The following DOCK8 variants were observed in gnomAD, a reference collection of about 807,000 sequenced individuals.
DOCK8 encodes the protein dedicator of cytokinesis 8.
In DOCK8, 141 loss-of-function variants were observed where a neutral mutation model predicts 245.6. The observed-to-expected ratio is 0.57, with a 90% confidence interval of 0.50 to 0.66. The LOEUF (loss-of-function observed/expected upper bound fraction) is 0.66, where lower values mean the gene tolerates loss of function less well. DOCK8 is among the 30% of genes least tolerant of loss of function. The probability of loss-of-function intolerance (pLI) is 0.00; values close to 1 mark genes in which losing one functional copy is unlikely to be tolerated. For synonymous variants in DOCK8, 1,168 were observed against 970.2 expected, an observed-to-expected ratio of 1.20 and a Z score of -3.79; for missense variants, 2,965 against 2,603.4, an observed-to-expected ratio of 1.14 and a Z score of -3.02.
chr9:312,625 T>C, intron 6 of DOCK8: 1 of 359,930 alleles, frequency 2.8e-6, no homozygotes. Context: ...TTTGAAAACA[T>C]TTCAGGCTAG....
chr9:441,148 C>A (rs1267506248), intron 40 of DOCK8, 138 bp from the exon 41 acceptor site: 2 of 1,289,238 alleles, frequency 1.6e-6, no homozygotes, highest in Non-Finnish European at 1.1e-6. Flanking sequence ...GCTCAGATAC[C>A]CCTTCTTGCC....
intron 1 of DOCK8, 77 bp downstream of exon 1, chr9:215,106 G>T (rs960680226): frequency 6.6e-7 from 1 of 1,507,718 alleles, no homozygotes; most frequent in Non-Finnish European, 8.8e-7. Context: ...CGCTGCAGGG[G>T]CCGAGGCCGG....
Position 403,897 on chromosome 9 carries a change from TATATATATATATATATATAC to T in DOCK8, c.3235-1008_3235-989del, listed in dbSNP as rs1303982904. Among the ~76,000 whole-genome samples, 504 of 66,654 alleles carry T rather than the reference TATATATATATATATATATAC, an allele frequency of 7.6e-3. 15 individuals are homozygous for T. Among genetic ancestry groups the T allele is most frequent in the African/African-American group, 0.048 (465 of 9,746 alleles). The allele number at this position is 66,654 out of a possible 152,430, so 43.7% of individuals were successfully genotyped here. On this transcript the variant is annotated intron_variant, in intron 26 of 47. Transcript: ENST00000432829. Reference sequence around the variant, plus strand: ...CTCTCTCTCTCTCTCTCTCTCTATATATATATATATATATATATACATATATATATATGTGTATATATATA... The same window carrying T: ...CTCTCTCTCTCTCTCTCTCTCTATATATATATATATATGTGTATATATATA...
At chr9:296,441 G>A (rs1444034711) in intron 4 of DOCK8, among the ~76,000 whole-genome samples, 7 of 152,146 alleles carry the variant, frequency 4.6e-5, no homozygotes, top group Non-Finnish European at 4.4e-5. Flanking sequence ...TTTCATGAGT[G>A]TTATGGGCAG....
At chr9:232,886 T>C (rs1458070577) in intron 1 of DOCK8, among the ~76,000 whole-genome samples, 10 of 152,264 alleles carry the variant, frequency 6.6e-5, no homozygotes, top group East Asian at 1.9e-4. Context: ...TTTTTTGTGT[T>C]TCTGTTTCCT....
chr9:299,567 C>T (rs949026580), intron 4 of DOCK8, among the ~76,000 whole-genome samples: 8 of 151,970 alleles, frequency 5.3e-5, no homozygotes, highest in African/African-American at 1.9e-4. Flanking sequence ...CCAGCCTGTA[C>T]ATTTTCCTTG....
At chr9:356,104 A>C (rs1586784124) in intron 14 of DOCK8, among the ~76,000 whole-genome samples, 1 of 152,234 alleles carries the variant, frequency 6.6e-6, no homozygotes, top group South Asian at 2.1e-4. Context: ...AATAAGAAAA[A>C]GTAAATCCAG....
At chr9:347,601 GA>G (rs2051961441) in intron 14 of DOCK8, among the ~76,000 whole-genome samples, 1 of 152,236 alleles carries the variant, frequency 6.6e-6, no homozygotes, top group African/African-American at 2.4e-5. Context: ...TTATGGAACA[GA>G]AGCTTTTATA....
intron 9 of DOCK8, among the ~76,000 whole-genome samples, chr9:329,843 G>A (rs893906619): frequency 6.6e-6 from 1 of 152,208 alleles, no homozygotes; most frequent in Non-Finnish European, 1.5e-5. Context: ...ATTTTCAAAT[G>A]TATAAATGTG....
At chr9:292,574 T>TC (rs34305412) in intron 4 of DOCK8, among the ~76,000 whole-genome samples, 1 of 151,894 alleles carries the variant, frequency 6.6e-6, no homozygotes, top group African/African-American at 2.4e-5. Flanking sequence ...TTTTTATTTT[T>TC]CCTGGTGCTC....
intron 14 of DOCK8, among the ~76,000 whole-genome samples, chr9:360,898 G>T (rs1165492484): frequency 1.3e-5 from 2 of 152,144 alleles, no homozygotes; most frequent in African/African-American, 4.8e-5. Context: ...AGTGGCTTGG[G>T]CTTGTAATCC....
intron 14 of DOCK8, among the ~76,000 whole-genome samples, chr9:361,466 C>T (rs1181488583): frequency 6.6e-6 from 1 of 152,176 alleles, no homozygotes; most frequent in Non-Finnish European, 1.5e-5. Flanking sequence ...TCAAGCAGTT[C>T]TTAGGCATCA....
At chr9:333,392 A>C (rs149261889) in intron 10 of DOCK8, among the ~76,000 whole-genome samples, 1 of 152,232 alleles carries the variant, frequency 6.6e-6, no homozygotes, top group East Asian at 1.9e-4. Flanking sequence ...ATGAGGTCAG[A>C]AGATTGAGAC....
chr9:246,488 C>T lies in DOCK8; in HGVS notation c.54-25139C>T, dbSNP rs774028647. 1.7e-4 allele frequency among the ~76,000 whole-genome samples: 25 copies of T among 151,236 alleles called. 1 individual carries two copies. The highest frequency in any genetic ancestry group is 3.2e-4 in the Non-Finnish European group (22 of 67,838). ...TAAGATCGCACCACTGCACTCCAGTCTGGGTGACAGAGTGAGACCCTGTCT... is the reference window on the plus strand; with the variant it reads ...TAAGATCGCACCACTGCACTCCAGTTTGGGTGACAGAGTGAGACCCTGTCT... On this transcript the variant is annotated intron_variant, in intron 1 of 47. Coordinates refer to ENST00000432829, the MANE Select transcript of DOCK8 (RefSeq NM_203447.4).
At chr9:428,549 C>T in intron 35 of DOCK8, 53 bp downstream of exon 35, 1 of 1,605,800 alleles carries the variant, frequency 6.2e-7, no homozygotes. Flanking sequence ...AGATTCTCAT[C>T]TAGCTTCATA....
chr9:382,486 G>A, intron 21 of DOCK8, 27 bp from the exon 22 acceptor site: 1 of 1,612,916 alleles, frequency 6.2e-7, no homozygotes, highest in Non-Finnish European at 8.5e-7. Flanking sequence ...CCTGTCTGTT[G>A]ACATGTCTCT....
intron 7 of DOCK8, among the ~76,000 whole-genome samples, chr9:325,017 C>G (rs1394037413): frequency 6.6e-6 from 1 of 152,160 alleles, no homozygotes; most frequent in Non-Finnish European, 1.5e-5. Context: ...TTATACCACT[C>G]TGTTTGCCTT....
At chr9:356,661 C>A (rs1385924176) in intron 14 of DOCK8, among the ~76,000 whole-genome samples, 1 of 152,124 alleles carries the variant, frequency 6.6e-6, no homozygotes, top group Non-Finnish European at 1.5e-5. Context: ...TTACCCTATC[C>A]TCTTTTTATT....
chr9:446,523 C>T lies in DOCK8; in HGVS notation c.5734C>T (p.Gln1912Ter). 1 of 1,614,224 alleles carries T rather than the reference C, an allele frequency of 6.2e-7. No individual in the cohort carries two copies. The highest frequency in any genetic ancestry group is 8.5e-7 in the Non-Finnish European group (1 of 1,180,042). ...EGRPRGELHE[Q>*]YRRNTVLTTM... ...GCGGCCTCGGGGAGAGCTGCATGAG[C>T]AGTACAGAAGGAACACAGTCCTGAC... Residue 1912 changes from glutamine to a stop codon, truncating the protein, a stop_gained, in exon 44 of 48, where the codon CAG (glutamine) becomes TAG (stop). Transcript: ENST00000432829. LOFTEE classifies it high-confidence loss of function.
Sources: allele counts gnomAD v4.1 joint callset (sites outside exome capture counted in the v4.1 genomes callset), GRCh38; gene constraint gnomAD v4.1.1; transcripts MANE v1.5; gene names NCBI Gene and HGNC (gene_info 2026-07-23, HGNC 2026-07-21).